AGTR1: variants seen among roughly 807,000 people sequenced by gnomAD.
The protein encoded by AGTR1 is angiotensin II receptor type 1.
In AGTR1, 16 loss-of-function variants were observed where a neutral mutation model predicts 19.4. The ratio of observed to expected loss-of-function variants is 0.82; its 90% CI spans 0.56 to 1.25. The LOEUF is 1.25. Ranked by LOEUF, AGTR1 falls within the 50% of genes most tolerant of loss-of-function variation. The pLI is 0.00. For missense variants in AGTR1, 373 were observed against 431.9 expected, an observed-to-expected ratio of 0.86 and a Z score of 1.21; for synonymous variants, 153 against 154.9, an observed-to-expected ratio of 0.99 and a Z score of 0.09.
At chr3:148,724,918 A>G (rs1310370480) in intron 2 of AGTR1, among the ~76,000 whole-genome samples, 1 of 152,212 alleles carries the variant, frequency 6.6e-6, no homozygotes, top group Middle Eastern at 3.2e-3. Flanking sequence ...CAAAGTCCTA[A>G]TGAACTTCAC....
chr3:148,715,295 A>T (rs752186490), intron 2 of AGTR1, among the ~76,000 whole-genome samples: 21 of 152,194 alleles, frequency 1.4e-4, no homozygotes, highest in Non-Finnish European at 8.8e-5. Flanking sequence ...ATTAGGGAAT[A>T]GGCATATTTA....
In AGTR1 at chr3:148,741,772, T is replaced by G; in HGVS notation, c.737T>G (p.Val246Gly). 6.2e-7 allele frequency: 1 copy of G among 1,613,320 alleles called. No individual in the cohort carries two copies. Among genetic ancestry groups the G allele is most frequent in the East Asian group, 2.2e-5 (1 of 44,888 alleles). Residue 246 changes from valine (V) to glycine (G), a missense_variant, in exon 3 of 3, where the codon GTG (valine) becomes GGG (glycine). Transcript: ENST00000349243. ...ATTTTTAAGATAATTATGGCAATTG[T>G]GCTTTTCTTTTTCTTTTCCTGGATT... Reference protein sequence around the residue: ...DDIFKIIMAIVLFFFFSWIPH... With the variant: ...DDIFKIIMAIGLFFFFSWIPH...
chr3:148,722,881 T>C (rs1451925809), intron 2 of AGTR1, among the ~76,000 whole-genome samples: 2 of 152,252 alleles, frequency 1.3e-5, no homozygotes, highest in Non-Finnish European at 2.9e-5. Context: ...AGGAGCTGTG[T>C]ATGAAATCAT....
chr3:148,726,847 G>T (rs887464330), intron 2 of AGTR1, among the ~76,000 whole-genome samples: 1 of 152,118 alleles, frequency 6.6e-6, no homozygotes, highest in Non-Finnish European at 1.5e-5. Flanking sequence ...TACAGAAAAG[G>T]CTGCACTCTG....
intron 2 of AGTR1, among the ~76,000 whole-genome samples, chr3:148,725,822 G>T (rs932574137): frequency 6.6e-5 from 10 of 152,144 alleles, no homozygotes; most frequent in Non-Finnish European, 1.2e-4. Context: ...TGCAAAGGTG[G>T]TGTTTCCTAT....
intron 2 of AGTR1, among the ~76,000 whole-genome samples, chr3:148,736,188 C>G (rs1714561107): frequency 6.6e-6 from 1 of 152,118 alleles, no homozygotes; most frequent in Admixed American, 6.5e-5. Context: ...CATTCTTATG[C>G]TTTAAGAACC....
At chr3:148,722,796 AAATATTATCTCTTCACATGAAAT>A (rs1713721027) in intron 2 of AGTR1, among the ~76,000 whole-genome samples, 1 of 152,196 alleles carries the variant, frequency 6.6e-6, no homozygotes, top group African/African-American at 2.4e-5. Flanking sequence ...AAAACTCATG[AAATATTATCTCTTCACATGAAAT>A]ACAATTAATA....
At chr3:148,703,017 A>G (rs1712445508) in intron 1 of AGTR1, among the ~76,000 whole-genome samples, 4 of 152,216 alleles carry the variant, frequency 2.6e-5, no homozygotes. Flanking sequence ...TGACAAGGGT[A>G]AAGTGGAGAA....
intron 1 of AGTR1, among the ~76,000 whole-genome samples, chr3:148,703,310 A>C (rs1337480806): frequency 6.6e-6 from 1 of 152,204 alleles, no homozygotes; most frequent in Non-Finnish European, 1.5e-5. Flanking sequence ...GGAACTGCAG[A>C]ATCTCAGACC....
At position 148,716,842 on chromosome 3, in the gene AGTR1, C is replaced by T. The variant is rs902247025; in HGVS notation, c.-48+8815C>T. Among the ~76,000 whole-genome samples, 3 of 151,988 alleles carry T rather than the reference C, an allele frequency of 2.0e-5. No individual in the cohort carries two copies. Among genetic ancestry groups the T allele is most frequent in the Non-Finnish European group, 4.4e-5 (3 of 68,004 alleles). On this transcript the variant is annotated intron_variant, in intron 2 of 2. Coordinates refer to ENST00000349243, the MANE Select transcript of AGTR1 (RefSeq NM_000685.5). The surrounding 1 kb of genome is among the most constrained non-coding windows in gnomAD (Gnocchi z 4.7). Reference sequence around the variant, plus strand: ...AACTGCTCTGAAAATGGTTTCTGTCCCTGGTGGACTCTTGTTTCAATGCAG... The same window carrying T: ...AACTGCTCTGAAAATGGTTTCTGTCTCTGGTGGACTCTTGTTTCAATGCAG...
In AGTR1 at chr3:148,741,032, C is replaced by G. The variant is rs1714841052; in HGVS notation, c.-4C>G. The G allele has an allele frequency of 6.2e-7, 1 of 1,613,568 alleles. No individual in the cohort carries two copies. The highest frequency in any genetic ancestry group is 1.3e-5 in the African/African-American group (1 of 74,898). ...TTGCAACAAATTCGACCCAGGTGAT[C>G]AAAATGATTCTCAACTCTTCTACTG... On this transcript the variant is annotated 5_prime_UTR_variant, in exon 3 of 3. In the 5' UTR this introduces an upstream ATG that the reference lacks. Coordinates refer to ENST00000349243, the MANE Select transcript of AGTR1 (RefSeq NM_000685.5).
intron 2 of AGTR1, among the ~76,000 whole-genome samples, chr3:148,738,184 C>T (rs1261168333): frequency 6.7e-6 from 1 of 149,388 alleles, no homozygotes; most frequent in Non-Finnish European, 1.5e-5. Context: ...AAAATTTCCT[C>T]CCTGTTCTCA....
At chr3:148,711,691 C>T (rs1171038833) in intron 2 of AGTR1, among the ~76,000 whole-genome samples, 1 of 151,988 alleles carries the variant, frequency 6.6e-6, no homozygotes, top group Non-Finnish European at 1.5e-5. Context: ...TAGCACATAA[C>T]TCTATAGAAA....
At chr3:148,710,344 G>C (rs935946123) in intron 2 of AGTR1, among the ~76,000 whole-genome samples, 3 of 151,970 alleles carry the variant, frequency 2.0e-5, no homozygotes, top group Non-Finnish European at 4.4e-5. Flanking sequence ...AATGTTTCAC[G>C]TGCTTTTCTA....
intron 2 of AGTR1, chr3:148,730,147 G>A (rs528800862): frequency 4.8e-5 from 19 of 397,896 alleles, no homozygotes; most frequent in East Asian, 3.9e-4. Context: ...CATCCTCATC[G>A]TGAACATTAT....
intron 1 of AGTR1, among the ~76,000 whole-genome samples, chr3:148,701,537 T>C (rs921202803): frequency 6.6e-6 from 1 of 152,230 alleles, no homozygotes; most frequent in Admixed American, 6.5e-5. Context: ...GTTTTTGTTT[T>C]GTTTGTGTTT....
intron 2 of AGTR1, among the ~76,000 whole-genome samples, chr3:148,713,448 C>T (rs892256044): frequency 3.3e-5 from 5 of 152,070 alleles, no homozygotes; most frequent in African/African-American, 1.2e-4. Context: ...AAGTTTTACT[C>T]AATATGTATA....
intron 2 of AGTR1, chr3:148,739,786 CT>C: frequency 1.6e-6 from 2 of 1,231,574 alleles, no homozygotes; most frequent in Non-Finnish European, 2.0e-6. Context: ...ATTTCTGCTC[CT>C]CTTTTTCCCC....
chr3:148,742,943 GTTAA>G lies in AGTR1; in HGVS notation c.*831_*834del, dbSNP rs1715004454. The G allele has an allele frequency of 6.1e-6, 1 of 165,092 alleles. No individual in the cohort carries two copies. Among genetic ancestry groups the G allele is most frequent in the Admixed American group, 6.6e-5 (1 of 15,250 alleles). 10.2% of individuals were successfully genotyped at this position (165,092 alleles called of 1,614,324 possible). A position where few individuals can be genotyped will look rare whatever the true frequency, so the allele number is the denominator to read the frequency against. ...TGTATATCTATATCTCTAAACTGCTGTTAATTGATTAAAATCTGGCAAAGTTATA... is the reference window on the plus strand; with the variant it reads ...TGTATATCTATATCTCTAAACTGCTGTTGATTAAAATCTGGCAAAGTTATA... On this transcript the variant is annotated 3_prime_UTR_variant, in exon 3 of 3. Coordinates refer to ENST00000349243, the MANE Select transcript of AGTR1 (RefSeq NM_000685.5).
Sources: gnomAD v4.1 joint callset for allele counts (sites outside exome capture counted in the v4.1 genomes callset) on GRCh38, gnomAD v4.1.1 for gene constraint, Gnocchi (gnomAD v3.1) non-coding constraint, MANE v1.5 for transcripts, NCBI Gene and HGNC (gene_info 2026-07-23, HGNC 2026-07-21) for gene names.